Variants in ZNF804B observed in about 807,000 individuals in gnomAD.
The protein encoded by ZNF804B is zinc finger protein 804B.
A neutral mutation model predicts 101.4 loss-of-function variants in ZNF804B; 80 were observed. That is an observed-to-expected ratio of 0.79 (90% CI 0.66 to 0.95). The LOEUF (loss-of-function observed/expected upper bound fraction) is 0.95, where lower values mean the gene tolerates loss of function less well. Ranked by LOEUF, ZNF804B falls within the 40% of genes least tolerant of loss-of-function variation. The pLI, the probability that ZNF804B is intolerant of heterozygous loss-of-function variation, is 0.00. For synonymous variants in ZNF804B, 622 were observed against 558.8 expected (o/e 1.11, Z -1.59); for missense variants, 1,673 against 1,561.9 (o/e 1.07, Z -1.20).
chr7:88,865,948 A>G (rs903422773), intron 1 of ZNF804B, among the ~76,000 whole-genome samples: 14 of 152,178 alleles, frequency 9.2e-5, no homozygotes, highest in African/African-American at 3.1e-4. Flanking sequence ...TTAATATGGT[A>G]TGTTTTATAC....
intron 2 of ZNF804B, among the ~76,000 whole-genome samples, chr7:89,247,591 A>G (rs1226930250): frequency 6.6e-6 from 1 of 152,124 alleles, no homozygotes; most frequent in Non-Finnish European, 1.5e-5. Flanking sequence ...TTACAGAGAA[A>G]TAAAGAAAAA....
At position 89,327,363 on chromosome 7, in the gene ZNF804B, A is replaced by G. The variant is rs1260911370; in HGVS notation, c.269A>G (p.Gln90Arg). ...TTCAAGAGACTGAAAGAATTAAAGC[A>G]ACGGGAATTTGCTCGAAATGTAGCT... ...AHKQRLKELK[Q>R]REFARNVASK... is the part of the protein sequence containing the mutation. Residue 90 changes from glutamine (Q) to arginine (R), a missense_variant, in exon 3 of 4, where the codon CAA becomes CGA. By Grantham distance (43) the Gln-to-Arg change is conservative. Transcript: ENST00000333190. The G allele has an allele frequency of 6.2e-7, 1 of 1,606,638 alleles. No individual in the cohort carries two copies. Among genetic ancestry groups the G allele is most frequent in the East Asian group, 2.2e-5 (1 of 44,590 alleles).
intron 1 of ZNF804B, among the ~76,000 whole-genome samples, chr7:89,116,955 T>C (rs994507936): frequency 6.6e-6 from 1 of 152,196 alleles, no homozygotes; most frequent in African/African-American, 2.4e-5. Flanking sequence ...TGAGTGGCCT[T>C]AAATGCAATC....
chr7:89,255,395 AG>A (rs1789612564), intron 2 of ZNF804B, among the ~76,000 whole-genome samples: 1 of 152,170 alleles, frequency 6.6e-6, no homozygotes, highest in Non-Finnish European at 1.5e-5. Flanking sequence ...AAAACAGAAC[AG>A]TGGTGAGGAA....
chr7:88,784,567 C>G (rs1369762743), intron 1 of ZNF804B, among the ~76,000 whole-genome samples: 1 of 152,138 alleles, frequency 6.6e-6, no homozygotes, highest in African/African-American at 2.4e-5. Context: ...TTACCAAAAA[C>G]TTTAGAATCC....
intron 1 of ZNF804B, among the ~76,000 whole-genome samples, chr7:89,170,627 A>T (rs1039510235): frequency 2.0e-5 from 3 of 151,960 alleles, no homozygotes; most frequent in Non-Finnish European, 2.9e-5. Flanking sequence ...CTGAGGCTGA[A>T]TTTTTTCTTG....
intron 1 of ZNF804B, among the ~76,000 whole-genome samples, chr7:88,855,119 A>T (rs1430447817): frequency 2.0e-5 from 3 of 152,102 alleles, no homozygotes; most frequent in Admixed American, 6.5e-5. Flanking sequence ...GTATATACCC[A>T]GTAATGGCAT....
intron 1 of ZNF804B, among the ~76,000 whole-genome samples, chr7:89,115,904 G>GT (rs112266242): frequency 0.34 from 50,076 of 145,954 alleles, 8,793 homozygotes; most frequent in African/African-American, 0.43. Context: ...AGGTTTTTTT[G>GT]TTTTTTTTTT....
chr7:89,105,723 G>T (rs1209783946), intron 1 of ZNF804B, among the ~76,000 whole-genome samples: 1 of 152,040 alleles, frequency 6.6e-6, no homozygotes, highest in African/African-American at 2.4e-5. Context: ...AGTTTTGTCA[G>T]TATTTACCTG....
chr7:89,212,438 G>T (rs1160719093), intron 1 of ZNF804B, among the ~76,000 whole-genome samples: 1 of 152,110 alleles, frequency 6.6e-6, no homozygotes, highest in African/African-American at 2.4e-5. Flanking sequence ...TATACCTCTT[G>T]TGCACATGGG....
Position 89,190,036 on chromosome 7 carries a change from C to G in ZNF804B, c.109-28119C>G, listed in dbSNP as rs192695825. 3.9e-3 allele frequency among the ~76,000 whole-genome samples: 592 copies of G among 152,114 alleles called. 6 individuals are homozygous for G. Among genetic ancestry groups the G allele is most frequent in the African/African-American group, 0.014 (566 of 41,500 alleles). ...AAAGAGGTTGAAATATCAATATTAA[C>G]AGAAGTTTAAATAAGTTGTTTCCAG... On this transcript the variant is annotated intron_variant, in intron 1 of 3. Transcript: ENST00000333190.
chr7:88,825,575 A>T (rs1270287273), intron 1 of ZNF804B, among the ~76,000 whole-genome samples: 1 of 152,098 alleles, frequency 6.6e-6, no homozygotes, highest in African/African-American at 2.4e-5. Context: ...TCAAAGTAAT[A>T]TAACAGAATC....
chr7:89,020,115 C>A (rs1316154247), intron 1 of ZNF804B, among the ~76,000 whole-genome samples: 3 of 151,972 alleles, frequency 2.0e-5, no homozygotes, highest in African/African-American at 7.2e-5. Flanking sequence ...AAGATAGAAC[C>A]TTTCTCTTTC....
intron 2 of ZNF804B, among the ~76,000 whole-genome samples, chr7:89,288,133 T>TA (rs1335531229): frequency 1.3e-5 from 2 of 151,692 alleles, no homozygotes; most frequent in African/African-American, 4.8e-5. Context: ...AAAATATGAG[T>TA]AAAATCTATG....
At chr7:88,760,159 T>A in intron 1 of ZNF804B, 75 bp downstream of exon 1, 1 of 1,216,668 alleles carries the variant, frequency 8.2e-7, no homozygotes, top group African/African-American at 1.5e-5. Flanking sequence ...TGAGAGATAG[T>A]ATCCTGATAC....
chr7:88,788,838 A>G (rs1433749153), intron 1 of ZNF804B, among the ~76,000 whole-genome samples: 1 of 152,150 alleles, frequency 6.6e-6, no homozygotes, highest in Non-Finnish European at 1.5e-5. Flanking sequence ...GAATGCCTTG[A>G]CAACACTATT....
At chr7:89,141,662 A>G (rs888486281) in intron 1 of ZNF804B, among the ~76,000 whole-genome samples, 12 of 151,954 alleles carry the variant, frequency 7.9e-5, no homozygotes, top group African/African-American at 2.9e-4. Flanking sequence ...TAGCTTTACC[A>G]CTTTATATTC....
At chr7:88,773,323 G>T (rs1387324612) in intron 1 of ZNF804B, among the ~76,000 whole-genome samples, 3 of 152,132 alleles carry the variant, frequency 2.0e-5, no homozygotes, top group African/African-American at 7.2e-5. Context: ...CAGAAACCTG[G>T]ATATAGAACT....
chr7:89,175,450 G>A (rs1791303441), intron 1 of ZNF804B, among the ~76,000 whole-genome samples: 1 of 151,948 alleles, frequency 6.6e-6, no homozygotes, highest in African/African-American at 2.4e-5. Flanking sequence ...TTTTATGTCA[G>A]TACCATGCTC....
Sources: gnomAD v4.1 joint callset for allele counts (sites outside exome capture counted in the v4.1 genomes callset) on GRCh38, gnomAD v4.1.1 for gene constraint, MANE v1.5 for transcripts, NCBI Gene and HGNC (gene_info 2026-07-23, HGNC 2026-07-21) for gene names.